OBI1: variants seen among roughly 807,000 people sequenced by gnomAD.
OBI1 encodes ring finger protein 219.
In OBI1, 59 loss-of-function variants were observed where a neutral mutation model predicts 62.4. The observed-to-expected ratio is 0.95, with a 90% CI of 0.77 to 1.17. The LOEUF (loss-of-function observed/expected upper bound fraction) is 1.17. Ranked by LOEUF, OBI1 falls within the 50% of genes most tolerant of loss-of-function variation. The pLI is 0.00. For synonymous variants in OBI1, 302 were observed against 292.8 expected, an observed-to-expected ratio of 1.03 and a Z score of -0.32; for missense variants, 875 against 830.9, an observed-to-expected ratio of 1.05 and a Z score of -0.65.
At chr13:78,639,105 T>C (rs1312367231) in intron 3 of OBI1, 34 bp from the exon 4 acceptor site, 21 of 1,594,216 alleles carry the variant, frequency 1.3e-5, no homozygotes, top group East Asian at 2.2e-5. Context: ...GAGGCAGGCA[T>C]AGACACTAAA....
chr13:78,648,094 G>T lies in OBI1; in HGVS notation c.73-3097C>A, dbSNP rs558029708. On this transcript the variant is annotated intron_variant, in intron 1 of 5. Transcript: ENST00000282003. ...GTATTCCTGGTCAGAGTCTCAAATG[G>T]CAGACAAACCTGAACTTTCTTTGCA... Among the ~76,000 whole-genome samples, 39 of 152,018 alleles carry T rather than the reference G, an allele frequency of 2.6e-4. 1 individual carries two copies. In the South Asian group the frequency reaches 5.8e-3, roughly 23 times the overall value.
chr13:78,629,163 A>G (rs914059957), intron 5 of OBI1, among the ~76,000 whole-genome samples: 1 of 152,092 alleles, frequency 6.6e-6, no homozygotes, highest in Admixed American at 6.5e-5. Context: ...CCCCAAAAGG[A>G]GCTGAGGCAT....
At chr13:78,641,374 C>T (rs1380572919) in intron 3 of OBI1, among the ~76,000 whole-genome samples, 3 of 152,122 alleles carry the variant, frequency 2.0e-5, no homozygotes, top group African/African-American at 7.2e-5. Context: ...TACCCCACTG[C>T]ATTCCAAAAA....
At chr13:78,628,382 T>C (rs558490946) in intron 5 of OBI1, among the ~76,000 whole-genome samples, 1 of 152,352 alleles carries the variant, frequency 6.6e-6, no homozygotes, top group Non-Finnish European at 1.5e-5. Flanking sequence ...TATGGTCTTC[T>C]GTTAAGGCAG....
chr13:78,641,972 A>G (rs1876229482), intron 3 of OBI1, 150 bp downstream of exon 3: 1 of 345,206 alleles, frequency 2.9e-6, no homozygotes, highest in African/African-American at 3.3e-5. Flanking sequence ...AGGAAAAAAG[A>G]AAAAAGAATT....
chr13:78,622,469 C>T (rs1942888541), intron 5 of OBI1, among the ~76,000 whole-genome samples: 1 of 152,160 alleles, frequency 6.6e-6, no homozygotes, highest in Admixed American at 6.5e-5. Flanking sequence ...AGAACTGCCA[C>T]TTAATCTGAG....
chr13:78,647,463 G>A (rs1876419005), intron 1 of OBI1, among the ~76,000 whole-genome samples: 1 of 152,190 alleles, frequency 6.6e-6, no homozygotes, highest in Non-Finnish European at 1.5e-5. Context: ...CATAAATCTG[G>A]CCTACGTGCA....
intron 5 of OBI1, among the ~76,000 whole-genome samples, chr13:78,624,023 T>C (rs1054361195): frequency 2.6e-5 from 4 of 152,212 alleles, no homozygotes; most frequent in African/African-American, 7.2e-5. Flanking sequence ...AAATGTGCTA[T>C]GTATAGAAAG....
Position 78,616,710 on chromosome 13 carries a change from C to T in OBI1, c.1051G>A (p.Val351Ile). ...CTTGTATCTGTCACATCTAACATTA[C>T]TTCTACCTGTTCTTGATATAGGTCT... ...NKDLYQEQVE[V>I]MLDVTDTSMD... Residue 351 changes from valine to isoleucine, a missense_variant, in exon 6 of 6, where the codon GTA (valine) becomes ATA (isoleucine). Coordinates refer to ENST00000282003, the MANE Select transcript of OBI1 (RefSeq NM_024546.4). The T allele has an allele frequency of 6.2e-7, 1 of 1,614,222 alleles. No homozygotes were observed. The highest frequency in any genetic ancestry group is 8.5e-7 in the Non-Finnish European group (1 of 1,180,024).
At chr13:78,639,103 C>A (rs1876125052) in intron 3 of OBI1, 32 bp from the exon 4 acceptor site, 1 of 1,594,540 alleles carries the variant, frequency 6.3e-7, no homozygotes, top group Admixed American at 1.7e-5. Flanking sequence ...ATGAGGCAGG[C>A]ATAGACACTA....
chr13:78,642,091 A>G (rs1876232978), intron 3 of OBI1, 31 bp downstream of exon 3: 3 of 1,321,402 alleles, frequency 2.3e-6, no homozygotes, highest in South Asian at 2.4e-5. Flanking sequence ...ATTCACTGCT[A>G]ACATAATTTT....
chr13:78,625,588 T>C (rs1875642267), intron 5 of OBI1, among the ~76,000 whole-genome samples: 1 of 152,216 alleles, frequency 6.6e-6, no homozygotes, highest in Admixed American at 6.5e-5. Flanking sequence ...GTCATTAGCA[T>C]GCACTGCCGC....
chr13:78,642,718 A>G (rs1255384313), intron 2 of OBI1, among the ~76,000 whole-genome samples: 1 of 152,160 alleles, frequency 6.6e-6, no homozygotes, highest in Non-Finnish European at 1.5e-5. Flanking sequence ...TGTCTCTACT[A>G]AAAATGCAAA....
At position 78,639,054 on chromosome 13, in the gene OBI1, TA is replaced by T. The variant is rs1335035433; in HGVS notation, c.317del (p.Leu106TyrfsTer5). ...TCTTAAGCTCTTCTACTTCTTTCTG[TA>T]AACAATCTATTTCGTCCTGAAAAAG... Reference protein sequence around the residue: ...HKEYEDEIDCLQKEVEELKSK... With the variant: ...HKEYEDEIDCXQKEVEELKSK... On this transcript the variant is annotated frameshift_variant, in exon 4 of 6. Coordinates refer to ENST00000282003, the MANE Select transcript of OBI1 (RefSeq NM_024546.4). LOFTEE classifies it high-confidence loss of function. 11 of 1,612,858 alleles carry T rather than the reference TA, an allele frequency of 6.8e-6. No homozygotes were observed. Among genetic ancestry groups the T allele is most frequent in the Non-Finnish European group, 9.3e-6 (11 of 1,179,662 alleles).
intron 5 of OBI1, among the ~76,000 whole-genome samples, chr13:78,618,986 T>C (rs1875418915): frequency 6.6e-6 from 1 of 152,206 alleles, no homozygotes; most frequent in African/African-American, 2.4e-5. Flanking sequence ...CCCACATTTT[T>C]AAATGGAAAA....
chr13:78,615,841 T>A lies in OBI1; in HGVS notation c.1920A>T (p.Lys640Asn). ...CTGTCTGAAACAAGCAGCTTGGGGG[T>A]TTGATTTCATTAGTTACTGGACAAG... ...SSSCPVTNEI[K>N]PPSCLFQTEF... The change falls in exon 6 of 6, where the codon AAA becomes AAT. Residue 640 changes from lysine (K) to asparagine (N), a missense_variant. By Grantham distance (94) the Lys-to-Asn change is moderately conservative (BLOSUM62 0). Transcript: ENST00000282003. The A allele has an allele frequency of 1.9e-6, 3 of 1,614,052 alleles. No individual in the cohort carries two copies. The highest frequency in any genetic ancestry group is 2.5e-6 in the Non-Finnish European group (3 of 1,179,980).
intron 5 of OBI1, among the ~76,000 whole-genome samples, chr13:78,623,678 T>G (rs1270779393): frequency 6.6e-6 from 1 of 152,190 alleles, no homozygotes; most frequent in African/African-American, 2.4e-5. Flanking sequence ...AAATGTAGAC[T>G]AGATTTTTCT....
chr13:78,646,686 C>CG (rs1410521608), intron 1 of OBI1, among the ~76,000 whole-genome samples: 1 of 151,910 alleles, frequency 6.6e-6, no homozygotes, highest in Non-Finnish European at 1.5e-5. Flanking sequence ...CCACTTTTCT[C>CG]GGAGAAAATG....
Position 78,636,105 on chromosome 13 carries a change from TA to T in OBI1, c.550-908del, listed in dbSNP as rs887388818. ...TAAATTCTATGAATTGTTCTTCGATTAAAAAAAAAATCCTTCCAAGTATGAT... is the reference window on the plus strand; with the variant it reads ...TAAATTCTATGAATTGTTCTTCGATTAAAAAAAAATCCTTCCAAGTATGAT... On this transcript the variant is annotated intron_variant, in intron 4 of 5. Coordinates refer to ENST00000282003, the MANE Select transcript of OBI1 (RefSeq NM_024546.4). Among the ~76,000 whole-genome samples the T allele has an allele frequency of 3.3e-3, 489 of 149,484 alleles. 2 individuals carry two copies. The highest frequency in any genetic ancestry group is 0.011 in the African/African-American group (441 of 40,956).
Sources: allele counts gnomAD v4.1 joint callset (sites outside exome capture counted in the v4.1 genomes callset), GRCh38; gene constraint gnomAD v4.1.1; transcripts MANE v1.5; gene names NCBI Gene and HGNC (gene_info 2026-07-23, HGNC 2026-07-21).